SNCAIP: variants seen among roughly 807,000 people sequenced by gnomAD.
The protein encoded by SNCAIP is synphilin-1.
In SNCAIP, 43 loss-of-function variants were observed where a neutral mutation model predicts 86.7. The observed-to-expected ratio is 0.50, with a 90% CI of 0.39 to 0.64. SNCAIP has a LOEUF of 0.64. SNCAIP is among the 30% of genes least tolerant of loss of function. The pLI is 0.00. For missense variants in SNCAIP, 981 were observed against 1,103.1 expected, an observed-to-expected ratio of 0.89 and a Z score of 1.57; for synonymous variants, 417 against 427.2, an observed-to-expected ratio of 0.98 and a Z score of 0.29.
chr5:122,350,290 T>C (rs1490144995), intron 1 of SNCAIP, among the ~76,000 whole-genome samples: 1 of 152,186 alleles, frequency 6.6e-6, no homozygotes, highest in African/African-American at 2.4e-5. Context: ...TTAAGTACCA[T>C]CCAAATATAA....
chr5:122,461,054 T>C (rs1786085691), intron 10 of SNCAIP, among the ~76,000 whole-genome samples: 1 of 152,216 alleles, frequency 6.6e-6, no homozygotes, highest in Non-Finnish European at 1.5e-5. Flanking sequence ...CCAAGGAAGG[T>C]AAACAGTTGC....
chr5:122,403,161 G>A (rs1034971742), intron 2 of SNCAIP, among the ~76,000 whole-genome samples: 1 of 152,080 alleles, frequency 6.6e-6, no homozygotes, highest in Non-Finnish European at 1.5e-5. Flanking sequence ...CTGGAGGGTG[G>A]TTTCTTTCCA....
At position 122,380,136 on chromosome 5, in the gene SNCAIP, T is replaced by C. The variant is rs572813734; in HGVS notation, c.-46-10953T>C. The stretch of plus-strand genomic sequence containing the variant: ...AATGGTACCAGCGCCTCCTTGTACC[T>C]CTGGTAGAATTCGGCTGTGAATCCA... On this transcript the variant is annotated intron_variant, in intron 1 of 10. Transcript: ENST00000261368. Among the ~76,000 whole-genome samples, 9 of 152,310 alleles carry C rather than the reference T, an allele frequency of 5.9e-5. No individual in the cohort carries two copies. The South Asian group carries it at 1.9e-3, about 32-fold the overall frequency.
Position 122,337,533 on chromosome 5 carries a change from T to C in SNCAIP, c.-47+25249T>C, listed in dbSNP as rs886399783. On this transcript the variant is annotated intron_variant, in intron 1 of 10. Transcript: ENST00000261368. ...CTCTGTTTTTTAGGATTTTGTTTGTTTGTTTGTTTGTTTGTTTGTTTTTGA... is the reference window on the plus strand; with the variant it reads ...CTCTGTTTTTTAGGATTTTGTTTGTCTGTTTGTTTGTTTGTTTGTTTTTGA... 2.9e-4 allele frequency among the ~76,000 whole-genome samples: 44 copies of C among 151,960 alleles called. 1 individual carries two copies. The highest frequency in any genetic ancestry group is 3.7e-4 in the Non-Finnish European group (25 of 67,960).
Position 122,451,297 on chromosome 5 carries a change from C to T in SNCAIP, c.2450C>T (p.Thr817Ile). The T allele has an allele frequency of 6.2e-7, 1 of 1,614,146 alleles. No homozygotes were observed. Among genetic ancestry groups the T allele is most frequent in the Non-Finnish European group, 8.5e-7 (1 of 1,180,024 alleles). Reference protein sequence around the residue: ...RTSQNLKLRVTFEEPVVQMEQ... With the variant: ...RTSQNLKLRVIFEEPVVQMEQ... Reference sequence around the variant, plus strand: ...TCTCAGAACTTAAAACTGAGAGTTACCTTTGAGGAGCCTGTGGTGCAGATG... The same window carrying T: ...TCTCAGAACTTAAAACTGAGAGTTATCTTTGAGGAGCCTGTGGTGCAGATG... Residue 817 changes from threonine (T) to isoleucine (I), a missense_variant, in exon 10 of 11, where the codon ACC (threonine) becomes ATC (isoleucine). Coordinates refer to ENST00000261368, the MANE Select transcript of SNCAIP (RefSeq NM_005460.4).
intron 1 of SNCAIP, among the ~76,000 whole-genome samples, chr5:122,347,311 A>G (rs1758802471): frequency 6.6e-6 from 1 of 152,056 alleles, no homozygotes; most frequent in African/African-American, 2.4e-5. Context: ...TGATGGTCAT[A>G]ACATCTTTAC....
At chr5:122,318,715 T>G (rs2152659840) in intron 1 of SNCAIP, among the ~76,000 whole-genome samples, 1 of 152,338 alleles carries the variant, frequency 6.6e-6, no homozygotes, top group Admixed American at 6.5e-5. Flanking sequence ...ATATACTTAC[T>G]TATTACTTGG....
chr5:122,346,689 CTT>C (rs1003862897), intron 1 of SNCAIP, among the ~76,000 whole-genome samples: 48 of 151,840 alleles, frequency 3.2e-4, no homozygotes, highest in African/African-American at 1.1e-3. Flanking sequence ...TCGGTAGACA[CTT>C]AGTATATATC....
intron 10 of SNCAIP, among the ~76,000 whole-genome samples, chr5:122,459,718 A>G (rs1036666414): frequency 2.0e-5 from 3 of 152,190 alleles, no homozygotes; most frequent in African/African-American, 4.8e-5. Flanking sequence ...TCAAAGTCTA[A>G]ACTTTATTAT....
chr5:122,317,563 GA>G (rs1752020066), intron 1 of SNCAIP, among the ~76,000 whole-genome samples: 1 of 152,146 alleles, frequency 6.6e-6, no homozygotes, highest in Non-Finnish European at 1.5e-5. Flanking sequence ...TGGAAGGGGA[GA>G]GTGGTATGTG....
At chr5:122,401,743 C>G (rs1446294428) in intron 2 of SNCAIP, among the ~76,000 whole-genome samples, 1 of 152,212 alleles carries the variant, frequency 6.6e-6, no homozygotes, top group African/African-American at 2.4e-5. Flanking sequence ...GTGGCAGTGA[C>G]TCACCTAGGC....
intron 8 of SNCAIP, among the ~76,000 whole-genome samples, chr5:122,445,816 C>A (rs540414207): frequency 6.6e-6 from 1 of 150,776 alleles, no homozygotes; most frequent in African/African-American, 2.4e-5. Context: ...AACAATATGA[C>A]AAGGCCTTGG....
chr5:122,350,600 A>G (rs1759568041), intron 1 of SNCAIP, among the ~76,000 whole-genome samples: 1 of 152,072 alleles, frequency 6.6e-6, no homozygotes, highest in Admixed American at 6.6e-5. Context: ...TCTGACTCAC[A>G]ACTCATTACT....
At chr5:122,390,841 A>C (rs1214473757) in intron 1 of SNCAIP, among the ~76,000 whole-genome samples, 2 of 152,176 alleles carry the variant, frequency 1.3e-5, no homozygotes, top group Non-Finnish European at 2.9e-5. Flanking sequence ...AAAGACAAAC[A>C]GGCACATATC....
At chr5:122,376,906 T>G (rs986919832) in intron 1 of SNCAIP, among the ~76,000 whole-genome samples, 5 of 152,162 alleles carry the variant, frequency 3.3e-5, no homozygotes, top group African/African-American at 1.2e-4. Flanking sequence ...TCTTTTCAGC[T>G]GGGAGGCCGT....
rs553171214 is a variant in SNCAIP at position 122,366,891 on chromosome 5, A to T, written c.-46-24198A>T. 4.6e-5 allele frequency among the ~76,000 whole-genome samples: 7 copies of T among 152,122 alleles called. No individual in the cohort carries two copies. The East Asian group carries it at 1.4e-3, about 29-fold the overall frequency. On this transcript the variant is annotated intron_variant, in intron 1 of 10. Coordinates refer to ENST00000261368, the MANE Select transcript of SNCAIP (RefSeq NM_005460.4). ...GTAGACTCCTAGAATTATTTTTTAG[A>T]AGCAAAAATCTAATTTATTTGCCTT...
intron 2 of SNCAIP, among the ~76,000 whole-genome samples, chr5:122,403,568 G>GT: frequency 6.6e-6 from 1 of 152,046 alleles, no homozygotes; most frequent in South Asian, 2.1e-4. Flanking sequence ...TAAAGAAGGA[G>GT]TGCCCAGCCC....
chr5:122,391,976 G>A (rs1044644545), intron 2 of SNCAIP, among the ~76,000 whole-genome samples: 3 of 152,174 alleles, frequency 2.0e-5, no homozygotes, highest in African/African-American at 7.2e-5. Context: ...TTCTGAGCTA[G>A]ACATACAACT....
At chr5:122,328,016 G>C (rs1205725732) in intron 1 of SNCAIP, among the ~76,000 whole-genome samples, 1 of 152,178 alleles carries the variant, frequency 6.6e-6, no homozygotes, top group Non-Finnish European at 1.5e-5. Flanking sequence ...TTAGGGGACA[G>C]TGTTGGGATT....
Sources: allele counts gnomAD v4.1 joint callset (sites outside exome capture counted in the v4.1 genomes callset), GRCh38; gene constraint gnomAD v4.1.1; transcripts MANE v1.5; gene names NCBI Gene and HGNC (gene_info 2026-07-23, HGNC 2026-07-21).